TOLLIP: variants seen among roughly 807,000 people sequenced by gnomAD.
TOLLIP encodes toll-interacting protein.
In TOLLIP, 16 loss-of-function variants were observed where a neutral mutation model predicts 33.5. The observed-to-expected ratio is 0.48, with a 90% CI of 0.32 to 0.72. TOLLIP has a LOEUF of 0.72. TOLLIP is among the 30% of genes least tolerant of loss of function. The pLI is 0.03. For missense variants in TOLLIP, 325 were observed against 396.6 expected (o/e 0.82, Z 1.53); for synonymous variants, 176 against 163.7 (o/e 1.07, Z -0.57).
rs1323424961 is a variant in TOLLIP, at chr11:1,285,957, G to C, written c.610+45C>G. 2.7e-6 allele frequency: 4 copies of C among 1,505,422 alleles called. No homozygotes were observed. In the South Asian group the frequency reaches 3.6e-5, roughly 14 times the overall value. The allele number at this position is 1,505,422 out of a possible 1,614,324, so 93.3% of individuals were successfully genotyped here. On this transcript the variant is annotated intron_variant, in intron 5 of 5. Coordinates refer to ENST00000317204, the MANE Select transcript of TOLLIP (RefSeq NM_019009.4). ...CCTCCCGCACCTGCCCTAGGCCCTG[G>C]GGTTTCTACCAGGGGAGAGGCACCC...
chr11:1,309,623 T>A lies in TOLLIP; in HGVS notation c.-125A>T, dbSNP rs919347740. ...CGAGGCCGCCGCCGCCACAGTCAGC[T>A]GACAGCCGCCGCGCCCCGCCCCCGG... On this transcript the variant is annotated 5_prime_UTR_variant, in exon 1 of 6. Transcript: ENST00000317204. 5.5e-6 allele frequency: 2 copies of A among 361,484 alleles called. No individual in the cohort carries two copies. Among genetic ancestry groups the A allele is most frequent in the African/African-American group, 2.2e-5 (1 of 46,186 alleles). The allele number at this position is 361,484 out of a possible 1,614,324, so 22.4% of individuals were successfully genotyped here.
chr11:1,306,744 A>C (rs1050947340), intron 1 of TOLLIP, among the ~76,000 whole-genome samples: 2 of 151,782 alleles, frequency 1.3e-5, no homozygotes, highest in Non-Finnish European at 2.9e-5. Context: ...CTGAGCCGGT[A>C]AACTCCAGGG....
chr11:1,280,493 T>G (rs1863458518), intron 5 of TOLLIP, among the ~76,000 whole-genome samples: 1 of 151,692 alleles, frequency 6.6e-6, no homozygotes, highest in Non-Finnish European at 1.5e-5. Context: ...CGGGAGGGAC[T>G]GCGCCGGTGA....
In TOLLIP at chr11:1,277,336, C is replaced by A; in HGVS notation, c.611-83G>T. On this transcript the variant is annotated intron_variant, in intron 5 of 5. Coordinates refer to ENST00000317204, the MANE Select transcript of TOLLIP (RefSeq NM_019009.4). The surrounding 1 kb of genome is among the most constrained non-coding windows in gnomAD (Gnocchi z 4.2). ...AGCTCCTGCTGAAGGAAGAAAACAA[C>A]GCATCCCACCGGCCTCCCTGAGGAA... is the stretch of plus-strand genomic sequence containing the variant. 1 of 1,143,774 alleles carries A rather than the reference C, an allele frequency of 8.7e-7. No individual in the cohort carries two copies. The highest frequency in any genetic ancestry group is 2.9e-5 in the Admixed American group (1 of 34,700). The allele number at this position is 1,143,774 out of a possible 1,614,324, so 70.9% of individuals were successfully genotyped here.
At chr11:1,280,015 T>C (rs1291136195) in intron 5 of TOLLIP, among the ~76,000 whole-genome samples, 1 of 152,204 alleles carries the variant, frequency 6.6e-6, no homozygotes, top group East Asian at 1.9e-4. Context: ...CACAGAGCGT[T>C]ATCACAAAGA....
chr11:1,276,741 C>A lies in TOLLIP; in HGVS notation c.*298G>T. 1 of 1,467,786 alleles carries A rather than the reference C, an allele frequency of 6.8e-7. No individual in the cohort carries two copies. The highest frequency in any genetic ancestry group is 9.1e-7 in the Non-Finnish European group (1 of 1,102,966). 90.9% of individuals were successfully genotyped at this position (1,467,786 alleles called of 1,614,324 possible). A position where few individuals can be genotyped will look rare whatever the true frequency, so the allele number is the denominator to read the frequency against. Reference sequence around the variant, plus strand: ...CCCTGGCAGAAGCAGCTGCTCTCTACAGCAAGAGCATTTTCCAGAACGGCA... The same window carrying A: ...CCCTGGCAGAAGCAGCTGCTCTCTAAAGCAAGAGCATTTTCCAGAACGGCA... On this transcript the variant is annotated 3_prime_UTR_variant, in exon 6 of 6. Transcript: ENST00000317204.
At chr11:1,284,051 C>T (rs145435743) in intron 5 of TOLLIP, among the ~76,000 whole-genome samples, 139 of 152,344 alleles carry the variant, frequency 9.1e-4, no homozygotes, top group Non-Finnish European at 1.2e-3. Flanking sequence ...TGGGCTGTCC[C>T]AGTTACAAAT....
Position 1,275,181 on chromosome 11 carries a change from G to A in TOLLIP, c.*1858C>T, listed in dbSNP as rs1272011289. The A allele has an allele frequency of 1.3e-5, 2 of 152,190 alleles. No homozygotes were observed. The highest frequency in any genetic ancestry group is 2.9e-5 in the Non-Finnish European group (2 of 68,046). The allele number at this position is 152,190 out of a possible 1,614,324, so 9.4% of individuals were successfully genotyped here. ...CGGGCCCCCACACGGGCTGCTCAAG[G>A]GCTGGCAGCAGGGGCCACGTCCTCT... On this transcript the variant is annotated 3_prime_UTR_variant, in exon 6 of 6. Transcript: ENST00000317204.
In TOLLIP at chr11:1,290,523, CT is replaced by C. The variant is rs989566358; in HGVS notation, c.184-115del. On this transcript the variant is annotated intron_variant, in intron 2 of 5. Coordinates refer to ENST00000317204, the MANE Select transcript of TOLLIP (RefSeq NM_019009.4). The surrounding 1 kb of genome is among the most constrained non-coding windows in gnomAD (Gnocchi z 4.9). Reference sequence around the variant, plus strand: ...ACGAGGCCTTTTCCTAACACATAGACTACAGCCACTCAGAGTCGCCTGAACA... The same window carrying C: ...ACGAGGCCTTTTCCTAACACATAGACACAGCCACTCAGAGTCGCCTGAACA... 34 of 939,830 alleles carry C rather than the reference CT, an allele frequency of 3.6e-5. No individual in the cohort carries two copies. The highest frequency in any genetic ancestry group is 5.0e-5 in the Non-Finnish European group (31 of 622,736). 58.2% of individuals were successfully genotyped at this position (939,830 alleles called of 1,614,324 possible).
chr11:1,286,140 C>A (rs763336098), intron 4 of TOLLIP, 48 bp from the exon 5 acceptor site: 2 of 1,451,490 alleles, frequency 1.4e-6, no homozygotes, highest in South Asian at 1.2e-5. Context: ...AACATCCACC[C>A]ATCAGAACCT....
chr11:1,297,166 G>T (rs1042493418), intron 1 of TOLLIP, among the ~76,000 whole-genome samples: 2 of 152,174 alleles, frequency 1.3e-5, no homozygotes, highest in African/African-American at 4.8e-5. Context: ...TAGGCAAAGT[G>T]CACGTGCTGA....
chr11:1,309,535 A>G lies in TOLLIP; in HGVS notation c.-37T>C. Reference sequence around the variant, plus strand: ...GGCCCCCGTGGCTCGCCGACCCGACAGTGACGCGCCGGGCGACCTCCTGCG... The same window carrying G: ...GGCCCCCGTGGCTCGCCGACCCGACGGTGACGCGCCGGGCGACCTCCTGCG... On this transcript the variant is annotated 5_prime_UTR_variant, in exon 1 of 6. Transcript: ENST00000317204. The G allele has an allele frequency of 7.9e-7, 1 of 1,269,644 alleles. No homozygotes were observed. Among genetic ancestry groups the G allele is most frequent in the Non-Finnish European group, 1.0e-6 (1 of 997,412 alleles). The allele number at this position is 1,269,644 out of a possible 1,614,324, so 78.6% of individuals were successfully genotyped here.
Position 1,289,793 on chromosome 11 carries a change from G to C in TOLLIP, c.366+434C>G, listed in dbSNP as rs1000773288. 5.3e-5 allele frequency among the ~76,000 whole-genome samples: 8 copies of C among 151,194 alleles called. No homozygotes were observed. In the South Asian group the frequency reaches 1.3e-3, roughly 24 times the overall value. On this transcript the variant is annotated intron_variant, in intron 3 of 5. Coordinates refer to ENST00000317204, the MANE Select transcript of TOLLIP (RefSeq NM_019009.4). Reference sequence around the variant, plus strand: ...CTGTCCCTGGAAATCCCACCTGCTGGTGAGCGGCCAGACGAGTGCCCAGTG... The same window carrying C: ...CTGTCCCTGGAAATCCCACCTGCTGCTGAGCGGCCAGACGAGTGCCCAGTG...
At chr11:1,301,437 C>T (rs552618343) in intron 1 of TOLLIP, among the ~76,000 whole-genome samples, 10 of 139,190 alleles carry the variant, frequency 7.2e-5, no homozygotes, top group African/African-American at 1.6e-4. Flanking sequence ...GGTCTGAGAT[C>T]GCACATGTGT....
At chr11:1,282,210 G>A (rs1564965653) in intron 5 of TOLLIP, among the ~76,000 whole-genome samples, 1 of 152,318 alleles carries the variant, frequency 6.6e-6, no homozygotes, top group South Asian at 2.1e-4. Flanking sequence ...AGCAGGGAGG[G>A]GCCCAGAGAA....
chr11:1,304,211 G>A (rs551410231), intron 1 of TOLLIP, among the ~76,000 whole-genome samples: 53 of 152,170 alleles, frequency 3.5e-4, no homozygotes, highest in African/African-American at 1.2e-3. Flanking sequence ...TCCCACCTTC[G>A]AGGCACTGAG....
intron 5 of TOLLIP, among the ~76,000 whole-genome samples, chr11:1,282,071 TA>T (rs1259656428): frequency 1.3e-5 from 2 of 152,112 alleles, no homozygotes; most frequent in South Asian, 4.1e-4. Flanking sequence ...CTAGGATAAT[TA>T]AAAAATACTT....
intron 1 of TOLLIP, among the ~76,000 whole-genome samples, chr11:1,297,437 G>A (rs1393237446): frequency 1.3e-5 from 2 of 152,222 alleles, no homozygotes; most frequent in African/African-American, 4.8e-5. Context: ...GGACGATCCA[G>A]GCACCGCTTC....
At chr11:1,284,997 G>C (rs1394878469) in intron 5 of TOLLIP, among the ~76,000 whole-genome samples, 1 of 152,138 alleles carries the variant, frequency 6.6e-6, no homozygotes, top group African/African-American at 2.4e-5. Context: ...CTGGGGTGCT[G>C]ACCAGGCCTC....
Sources: gnomAD v4.1 joint callset for allele counts (sites outside exome capture counted in the v4.1 genomes callset) on GRCh38, gnomAD v4.1.1 for gene constraint, Gnocchi (gnomAD v3.1) non-coding constraint, MANE v1.5 for transcripts, NCBI Gene and HGNC (gene_info 2026-07-23, HGNC 2026-07-21) for gene names.